Variants in LRRN3 observed in about 807,000 individuals in gnomAD.
LRRN3 encodes leucine rich repeat neuronal 3.
A neutral mutation model predicts 40.1 loss-of-function variants in LRRN3; 15 were observed. The observed-to-expected ratio is 0.37, with a 90% CI of 0.25 to 0.58. The LOEUF is 0.58. Among genes scored for constraint, LRRN3 ranks in the 20% least tolerant of loss-of-function variants. The pLI, the probability that LRRN3 is intolerant of heterozygous loss-of-function variation, is 0.72. For missense variants in LRRN3, 746 were observed against 837.7 expected, an observed-to-expected ratio of 0.89 and a Z score of 1.35; for synonymous variants, 308 against 297.2, an observed-to-expected ratio of 1.04 and a Z score of -0.37.
At position 111,113,271 on chromosome 7, in the gene LRRN3, A is replaced by G. The variant is rs925336025; in HGVS notation, c.-358-9144A>G. Among the ~76,000 whole-genome samples the G allele has an allele frequency of 4.6e-5, 7 of 152,244 alleles. No homozygotes were observed. In the East Asian group the frequency reaches 1.2e-3, roughly 25 times the overall value. On this transcript the variant is annotated intron_variant, in intron 2 of 2. Transcript: ENST00000308478. ...TGTCAAACTGAGTTAATCAAGGAATACAAATGAGTTGAAAACCTTTTTGCT... is the reference window on the plus strand; with the variant it reads ...TGTCAAACTGAGTTAATCAAGGAATGCAAATGAGTTGAAAACCTTTTTGCT...
chr7:111,109,787 G>T (rs991159926), intron 2 of LRRN3, among the ~76,000 whole-genome samples: 9 of 152,102 alleles, frequency 5.9e-5, no homozygotes, highest in Non-Finnish European at 1.2e-4. Flanking sequence ...TGTTTTCATT[G>T]TTTGTTGCTA....
intron 2 of LRRN3, among the ~76,000 whole-genome samples, chr7:111,104,196 A>T (rs1452937351): frequency 6.6e-6 from 1 of 151,592 alleles, no homozygotes; most frequent in African/African-American, 2.4e-5. Context: ...TACTATTCGC[A>T]TCTTGAGCCA....
At chr7:111,120,370 G>C (rs1373619428) in intron 2 of LRRN3, among the ~76,000 whole-genome samples, 3 of 152,072 alleles carry the variant, frequency 2.0e-5, no homozygotes, top group Admixed American at 6.6e-5. Flanking sequence ...GAGAGAATGA[G>C]ACTCAAGCAA....
intron 2 of LRRN3, among the ~76,000 whole-genome samples, chr7:111,109,857 T>C (rs1316210423): frequency 1.3e-5 from 2 of 152,174 alleles, no homozygotes; most frequent in African/African-American, 2.4e-5. Context: ...CTTCAGGGGC[T>C]GGGCGCGGTG....
At chr7:111,102,095 AT>A (rs1798040690) in intron 2 of LRRN3, among the ~76,000 whole-genome samples, 1 of 151,420 alleles carries the variant, frequency 6.6e-6, no homozygotes, top group African/African-American at 2.4e-5. Context: ...AAAAAAAAAA[AT>A]GAGTCAGAAT....
intron 2 of LRRN3, among the ~76,000 whole-genome samples, chr7:111,118,066 G>A (rs572780487): frequency 6.6e-6 from 1 of 152,026 alleles, no homozygotes; most frequent in Admixed American, 6.6e-5. Context: ...TGCTCCTTTT[G>A]GAGGAACAGA....
intron 2 of LRRN3, among the ~76,000 whole-genome samples, chr7:111,117,963 G>C (rs1178164182): frequency 6.6e-6 from 1 of 152,058 alleles, no homozygotes; most frequent in Non-Finnish European, 1.5e-5. Context: ...TCATCTAAAA[G>C]ACAGTGGATT....
chr7:111,101,992 T>A (rs1798028212), intron 2 of LRRN3, among the ~76,000 whole-genome samples: 2 of 151,406 alleles, frequency 1.3e-5, no homozygotes, highest in Admixed American at 1.3e-4. Context: ...ATACACTATA[T>A]CTCACTCCAT....
At chr7:111,116,539 A>G (rs1360476283) in intron 2 of LRRN3, among the ~76,000 whole-genome samples, 7 of 152,188 alleles carry the variant, frequency 4.6e-5, no homozygotes, top group Admixed American at 3.9e-4. Context: ...TTTCTTTATA[A>G]TGGCAATCCC....
At position 111,091,247 on chromosome 7, in the gene LRRN3, GAA is replaced by G. The variant is rs1796831071; in HGVS notation, c.-694_-693del. On this transcript the variant is annotated 5_prime_UTR_variant, in exon 1 of 3. Transcript: ENST00000308478. ...TTGAGAGCCTCAGCCTGCCGACTGA[GAA>G]AAAGAGTTCCAGGAAAAAGAAGGAA... The G allele has an allele frequency of 6.6e-6, 1 of 152,184 alleles. No homozygotes were observed. Among genetic ancestry groups the G allele is most frequent in the Non-Finnish European group, 1.5e-5 (1 of 68,054 alleles). 9.4% of individuals were successfully genotyped at this position (152,184 alleles called of 1,614,324 possible).
rs534307722 is a variant in LRRN3, at chr7:111,101,713, G to T, written c.-359+1751G>T. Among the ~76,000 whole-genome samples, 7 of 151,554 alleles carry T rather than the reference G, an allele frequency of 4.6e-5. No homozygotes were observed. The East Asian group carries it at 1.4e-3, about 29-fold the overall frequency. On this transcript the variant is annotated intron_variant, in intron 2 of 2. Transcript: ENST00000308478. ...CTTCCCTGAGAAGACTGAGAAGAGG[G>T]TATAGCTAAATGAGTTAGGGGTTTG...
chr7:111,110,456 A>T (rs748639990), intron 2 of LRRN3, among the ~76,000 whole-genome samples: 1 of 152,224 alleles, frequency 6.6e-6, no homozygotes, highest in African/African-American at 2.4e-5. Flanking sequence ...GATCACAAAT[A>T]TAGATTATAT....
At chr7:111,113,693 T>C (rs1175409277) in intron 2 of LRRN3, among the ~76,000 whole-genome samples, 1 of 151,832 alleles carries the variant, frequency 6.6e-6, no homozygotes, top group East Asian at 1.9e-4. Flanking sequence ...TGCAGGATAA[T>C]TGAAAGAGGG....
At chr7:111,120,872 C>T (rs1196064863) in intron 2 of LRRN3, among the ~76,000 whole-genome samples, 1 of 151,788 alleles carries the variant, frequency 6.6e-6, no homozygotes, top group Non-Finnish European at 1.5e-5. Context: ...CGCAATCTAA[C>T]TCATTTGGTT....
chr7:111,112,749 G>C (rs1005113787), intron 2 of LRRN3, among the ~76,000 whole-genome samples: 1 of 152,088 alleles, frequency 6.6e-6, no homozygotes, highest in Non-Finnish European at 1.5e-5. Flanking sequence ...GCTTATTATA[G>C]GGAACTAAAA....
intron 2 of LRRN3, among the ~76,000 whole-genome samples, chr7:111,120,507 C>T (rs113849074): frequency 3.3e-5 from 5 of 152,032 alleles, no homozygotes; most frequent in Non-Finnish European, 5.9e-5. Context: ...TGGGAATTAT[C>T]GGAGCTACAA....
intron 1 of LRRN3, among the ~76,000 whole-genome samples, chr7:111,091,937 A>C (rs1475434954): frequency 6.6e-6 from 1 of 152,130 alleles, no homozygotes; most frequent in African/African-American, 2.4e-5. Context: ...TTTTCTTCAC[A>C]TTATTTGTAG....
rs190783724 is a variant in LRRN3 at position 111,122,888 on chromosome 7, C to T, written c.116C>T (p.Pro39Leu). The T allele has an allele frequency of 5.6e-6, 9 of 1,614,004 alleles. No individual in the cohort carries two copies. The African/African-American group carries it at 9.3e-5, about 17-fold the overall frequency. ...CGGTTATGTACGTGTGAAATCAGGC[C>T]TTGGTTTACACCCAGATCCATTTAT... ...CPRLCTCEIR[P>L]WFTPRSIYME... is the part of the protein sequence containing the mutation. Residue 39 changes from proline (P) to leucine (L), a missense_variant, in exon 3 of 3, where the codon CCT becomes CTT. Pro to Leu is a moderately conservative substitution (Grantham distance 98, BLOSUM62 -3). Coordinates refer to ENST00000308478, the MANE Select transcript of LRRN3 (RefSeq NM_001099658.2).
intron 2 of LRRN3, among the ~76,000 whole-genome samples, chr7:111,118,405 G>T (rs1800150875): frequency 6.6e-6 from 1 of 151,998 alleles, no homozygotes; most frequent in Non-Finnish European, 1.5e-5. Flanking sequence ...TTCACATAAA[G>T]AAATCTCAAA....
Sources: allele counts gnomAD v4.1 joint callset (sites outside exome capture counted in the v4.1 genomes callset), GRCh38; gene constraint gnomAD v4.1.1; transcripts MANE v1.5; gene names NCBI Gene and HGNC (gene_info 2026-07-23, HGNC 2026-07-21).